Variants in XNDC1N observed in about 807,000 individuals in gnomAD.
The protein encoded by XNDC1N is protein XNDC1N.
chr11:71,871,178 C>G, the XNDC1N span, among the ~76,000 whole-genome samples: 1 of 152,112 alleles, frequency 6.6e-6, no homozygotes, highest in African/African-American at 2.4e-5. Flanking sequence ...TATATATACA[C>G]AGTAGAATAC....
the XNDC1N span, among the ~76,000 whole-genome samples, chr11:71,907,470 GC>G: frequency 2.2e-4 from 10 of 45,526 alleles, no homozygotes; most frequent in East Asian, 2.5e-3. Context: ...AGCCCCTCTT[GC>G]CCCCCCTGGC....
At chr11:71,890,308 G>A in the XNDC1N span, among the ~76,000 whole-genome samples, 1 of 142,842 alleles carries the variant, frequency 7.0e-6, no homozygotes, top group African/African-American at 2.7e-5. Context: ...CATTGTGCGT[G>A]TACGCCTGTC....
the XNDC1N span, among the ~76,000 whole-genome samples, chr11:71,890,861 G>C: frequency 6.6e-6 from 1 of 151,900 alleles, no homozygotes. Flanking sequence ...TGCTGTCATA[G>C]AATTCTCTCT....
the XNDC1N span, among the ~76,000 whole-genome samples, chr11:71,899,151 C>A: frequency 9.2e-5 from 14 of 152,054 alleles, no homozygotes; most frequent in African/African-American, 3.4e-4. Context: ...GTGCCTTGAG[C>A]CCCCCAGGCC....
chr11:71,903,258 T>G, the XNDC1N span: 1 of 1,149,966 alleles, frequency 8.7e-7, no homozygotes, highest in South Asian at 1.2e-5. Context: ...GATCCAGAAC[T>G]GCAGCCGGTC....
chr11:71,911,836 G>A, the XNDC1N span, among the ~76,000 whole-genome samples: 20 of 152,306 alleles, frequency 1.3e-4, no homozygotes, highest in Middle Eastern at 6.8e-3. Flanking sequence ...GAATTCCCGC[G>A]CTGACTCAGA....
the XNDC1N span, among the ~76,000 whole-genome samples, chr11:71,909,050 T>G: frequency 5.7e-3 from 862 of 152,296 alleles, 6 homozygotes; most frequent in African/African-American, 0.02. Flanking sequence ...AGAGACTGTG[T>G]GAGGTCTATC....
the XNDC1N span, among the ~76,000 whole-genome samples, chr11:71,879,805 C>T: frequency 1.9e-4 from 29 of 152,122 alleles, no homozygotes; most frequent in Non-Finnish European, 3.1e-4. Flanking sequence ...ATGTATATTC[C>T]TATTCTGGAC....
At chr11:71,925,000 A>C in the XNDC1N span, among the ~76,000 whole-genome samples, 18 of 151,736 alleles carry the variant, frequency 1.2e-4, no homozygotes, top group Admixed American at 1.3e-4. Context: ...CTCCCCACCA[A>C]AACTTTTTTT....
chr11:71,915,360 A>T, the XNDC1N span, among the ~76,000 whole-genome samples: 1 of 152,040 alleles, frequency 6.6e-6, no homozygotes, highest in South Asian at 2.1e-4. Context: ...AGGCAGGAGA[A>T]TGGCAAGAAC....
At chr11:71,921,647 AC>A in the XNDC1N span, among the ~76,000 whole-genome samples, 1 of 151,680 alleles carries the variant, frequency 6.6e-6, no homozygotes, top group Non-Finnish European at 1.5e-5. Context: ...TAGCAATAAA[AC>A]CCTTTTAACT....
the XNDC1N span, chr11:71,893,694 G>C: frequency 6.0e-6 from 8 of 1,330,910 alleles, no homozygotes; most frequent in Non-Finnish European, 8.3e-6. Flanking sequence ...GTTTCACCTC[G>C]GCCACGGTTC....
chr11:71,908,578 G>A, the XNDC1N span, among the ~76,000 whole-genome samples: 1 of 152,076 alleles, frequency 6.6e-6, no homozygotes, highest in African/African-American at 2.4e-5. Flanking sequence ...AGATGAGGAT[G>A]GTCACGTGCT....
the XNDC1N span, chr11:71,916,266 G>A: frequency 4.3e-6 from 3 of 702,072 alleles, no homozygotes; most frequent in South Asian, 1.5e-5. Flanking sequence ...AAGGAAAAAA[G>A]AGAAACAAAA....
At chr11:71,923,534 T>C in the XNDC1N span, 2 of 596,322 alleles carry the variant, frequency 3.4e-6, no homozygotes, top group East Asian at 5.6e-5. Flanking sequence ...AGGAGTTACT[T>C]GCAGCAGTCA....
At chr11:71,877,297 G>T in the XNDC1N span, among the ~76,000 whole-genome samples, 1 of 152,224 alleles carries the variant, frequency 6.6e-6, no homozygotes, top group Non-Finnish European at 1.5e-5. Flanking sequence ...AGAAAGGAAT[G>T]AAGGTCAAGT....
chr11:71,892,652 G>T, the XNDC1N span, among the ~76,000 whole-genome samples: 4 of 151,882 alleles, frequency 2.6e-5, no homozygotes, highest in South Asian at 8.3e-4. Flanking sequence ...CTCCTGAGTA[G>T]CTAGGGTTAC....
chr11:71,898,432 G>A, the XNDC1N span, among the ~76,000 whole-genome samples: 4,260 of 152,008 alleles, frequency 0.028, 71 homozygotes, highest in East Asian at 0.08. Context: ...TATGGTGAAA[G>A]CTCGTCTCTA....
At chr11:71,902,279 C>A in the XNDC1N span, among the ~76,000 whole-genome samples, 2 of 152,204 alleles carry the variant, frequency 1.3e-5, no homozygotes, top group Non-Finnish European at 2.9e-5. Flanking sequence ...GTAGTCTCTG[C>A]CTCCCAGGTT....
Sources: allele counts gnomAD v4.1 joint callset (sites outside exome capture counted in the v4.1 genomes callset), GRCh38; gene constraint gnomAD v4.1.1; transcripts MANE v1.5; gene names NCBI Gene and HGNC (gene_info 2026-07-23, HGNC 2026-07-21).